Variants in CADM2 observed in about 807,000 individuals in gnomAD.
CADM2 encodes the protein immunoglobulin superfamily member 4D.
A neutral mutation model predicts 49.8 loss-of-function variants in CADM2; 12 were observed. That is an observed-to-expected ratio of 0.24 (90% CI 0.15 to 0.39). The LOEUF (loss-of-function observed/expected upper bound fraction) is 0.39, where lower values mean the gene tolerates loss of function less well. CADM2 is among the 10% of genes least tolerant of loss of function. The probability of loss-of-function intolerance (pLI) is 1.00; values close to 1 mark genes in which losing one functional copy is unlikely to be tolerated. For missense variants in CADM2, 378 were observed against 492.3 expected (o/e 0.77, Z 2.20); for synonymous variants, 214 against 175.4 (o/e 1.22, Z -1.74).
chr3:85,115,722 T>C (rs2038615458), intron 1 of CADM2, among the ~76,000 whole-genome samples: 1 of 152,196 alleles, frequency 6.6e-6, no homozygotes. Flanking sequence ...TAATGGTAGA[T>C]TTTCTGTGCC....
chr3:85,980,544 G>T (rs978238751), intron 8 of CADM2, among the ~76,000 whole-genome samples: 3 of 151,408 alleles, frequency 2.0e-5, no homozygotes, highest in African/African-American at 7.3e-5. Context: ...TTGTATGACT[G>T]AACTTTATTT....
chr3:85,576,184 T>G lies in CADM2; in HGVS notation c.62-150338T>G, dbSNP rs1003301358. The stretch of plus-strand genomic sequence containing the variant: ...AAATTAGTTATGTAAACATTAAATT[T>G]ATGTCTTCAATAAAAAGTTATTTTC... On this transcript the variant is annotated intron_variant, in intron 1 of 9. Transcript: ENST00000383699. Among the ~76,000 whole-genome samples, 3 of 152,332 alleles carry G rather than the reference T, an allele frequency of 2.0e-5. No individual in the cohort carries two copies. The East Asian group carries it at 5.8e-4, about 29-fold the overall frequency.
intron 1 of CADM2, among the ~76,000 whole-genome samples, chr3:85,028,868 T>C (rs948744036): frequency 2.0e-5 from 3 of 151,822 alleles, no homozygotes; most frequent in African/African-American, 7.2e-5. Flanking sequence ...TAAAATATAT[T>C]CCAAAATTAT....
At chr3:85,437,556 T>A (rs1438155810) in intron 1 of CADM2, among the ~76,000 whole-genome samples, 2 of 152,148 alleles carry the variant, frequency 1.3e-5, no homozygotes, top group Non-Finnish European at 2.9e-5. Flanking sequence ...AAGAGGTATG[T>A]AATGGCATCT....
At chr3:85,037,965 C>T (rs1296386183) in intron 1 of CADM2, among the ~76,000 whole-genome samples, 2 of 150,180 alleles carry the variant, frequency 1.3e-5, no homozygotes, top group Non-Finnish European at 3.0e-5. Context: ...CACTGGTGGC[C>T]GGAAAACTAA....
chr3:86,061,212 T>G (rs1269622519), intron 8 of CADM2, among the ~76,000 whole-genome samples: 1 of 152,072 alleles, frequency 6.6e-6, no homozygotes, highest in Non-Finnish European at 1.5e-5. Context: ...AAAATGTATT[T>G]ATAAGTTTAT....
At chr3:85,375,466 A>C (rs2033539314) in intron 1 of CADM2, among the ~76,000 whole-genome samples, 1 of 152,208 alleles carries the variant, frequency 6.6e-6, no homozygotes. Flanking sequence ...ATAAATAATC[A>C]AAATAACCTT....
intron 3 of CADM2, among the ~76,000 whole-genome samples, chr3:85,843,726 T>A (rs900212100): frequency 1.3e-5 from 2 of 152,132 alleles, no homozygotes; most frequent in Admixed American, 1.3e-4. Context: ...TTCTCCAAGC[T>A]CAGCAGTGCA....
In CADM2 at chr3:85,319,398, A is replaced by C. The variant is rs554825018; in HGVS notation, c.61+359730A>C. On this transcript the variant is annotated intron_variant, in intron 1 of 9. Transcript: ENST00000383699. ...AAAGCTGTGTGGCAATTCTTCAAAG[A>C]GCTAAAACCAGAACTACCGTTCGAC... Among the ~76,000 whole-genome samples the C allele has an allele frequency of 6.6e-5, 10 of 152,294 alleles. No individual in the cohort carries two copies. In the East Asian group the frequency reaches 1.7e-3, roughly 26 times the overall value.
At chr3:85,284,364 T>C (rs1404212917) in intron 1 of CADM2, among the ~76,000 whole-genome samples, 3 of 152,050 alleles carry the variant, frequency 2.0e-5, no homozygotes, top group Admixed American at 2.0e-4. Context: ...AAGCACATAA[T>C]AAACACAACA....
At chr3:85,393,578 A>G (rs2034621992) in intron 1 of CADM2, among the ~76,000 whole-genome samples, 1 of 152,172 alleles carries the variant, frequency 6.6e-6, no homozygotes, top group Non-Finnish European at 1.5e-5. Context: ...GAGAAAAATC[A>G]TAAGGAAGCT....
intron 1 of CADM2, among the ~76,000 whole-genome samples, chr3:85,620,500 A>T (rs1052228320): frequency 3.3e-5 from 5 of 152,054 alleles, no homozygotes; most frequent in Non-Finnish European, 7.4e-5. Flanking sequence ...CCATTATAAA[A>T]TGGAACGTAA....
chr3:85,179,553 C>A (rs557041604), intron 1 of CADM2, among the ~76,000 whole-genome samples: 9 of 151,668 alleles, frequency 5.9e-5, no homozygotes, highest in Non-Finnish European at 1.2e-4. Flanking sequence ...TACATTATCT[C>A]TTTTCTCTAA....
intron 1 of CADM2, among the ~76,000 whole-genome samples, chr3:85,556,201 G>T (rs2061956090): frequency 6.6e-6 from 1 of 152,010 alleles, no homozygotes; most frequent in Admixed American, 6.6e-5. Flanking sequence ...GTAAGCTAGA[G>T]AAAATAAAAT....
At chr3:85,600,641 G>T (rs74825713) in intron 1 of CADM2, among the ~76,000 whole-genome samples, 4,039 of 151,558 alleles carry the variant, frequency 0.027, 181 homozygotes, top group African/African-American at 0.093. Flanking sequence ...TTCACAGTAT[G>T]CTTTTAAGTT....
At chr3:85,808,180 C>T (rs1205335427) in intron 3 of CADM2, among the ~76,000 whole-genome samples, 1 of 152,138 alleles carries the variant, frequency 6.6e-6, no homozygotes, top group Non-Finnish European at 1.5e-5. Flanking sequence ...TTCTATAATA[C>T]TTAAGAATCT....
rs527506169 is a variant in CADM2 at position 85,725,736 on chromosome 3, T to G, written c.62-786T>G. On this transcript the variant is annotated intron_variant, in intron 1 of 9. Coordinates refer to ENST00000383699, the MANE Select transcript of CADM2 (RefSeq NM_001167675.2). ...GCTTATTAATGGAAATAATGCCATTTAAAGTAATACAGTTTTCTAGTCTCA... is the reference window on the plus strand; with the variant it reads ...GCTTATTAATGGAAATAATGCCATTGAAAGTAATACAGTTTTCTAGTCTCA... Among the ~76,000 whole-genome samples, 69 of 152,190 alleles carry G rather than the reference T, an allele frequency of 4.5e-4. 1 individual carries two copies. Among genetic ancestry groups the G allele is most frequent in the African/African-American group, 1.6e-3 (67 of 41,566 alleles).
intron 1 of CADM2, among the ~76,000 whole-genome samples, chr3:85,024,937 G>A (rs891263477): frequency 3.3e-5 from 5 of 151,536 alleles, no homozygotes; most frequent in East Asian, 1.9e-4. Context: ...GTGTTAAGGC[G>A]TCAATATGTT....
chr3:85,637,643 A>G (rs947253448), intron 1 of CADM2, among the ~76,000 whole-genome samples: 1 of 149,392 alleles, frequency 6.7e-6, no homozygotes, highest in African/African-American at 2.4e-5. Flanking sequence ...AAATAAATAA[A>G]TAAATAAATA....
Sources: allele counts gnomAD v4.1 joint callset (sites outside exome capture counted in the v4.1 genomes callset), GRCh38; gene constraint gnomAD v4.1.1; transcripts MANE v1.5; gene names NCBI Gene and HGNC (gene_info 2026-07-23, HGNC 2026-07-21).